The following UGT1A5 variants were observed in gnomAD, a reference collection of about 807,000 sequenced individuals.
UGT1A5 encodes the protein UDP glucuronosyltransferase family 1 member A5.
UGT1A5 carries 29 observed loss-of-function variants against 40.3 expected under a neutral mutation model. That is an observed-to-expected ratio of 0.72 (90% CI 0.54 to 0.98). The LOEUF (loss-of-function observed/expected upper bound fraction) is 0.98. Ranked by LOEUF, UGT1A5 falls within the 50% of genes least tolerant of loss-of-function variation. UGT1A5 has a pLI of 0.00. For missense variants in UGT1A5, 678 were observed against 677.9 expected, an observed-to-expected ratio of 1.00 and a Z score of 0.00; for synonymous variants, 257 against 262.5, an observed-to-expected ratio of 0.98 and a Z score of 0.20.
intron 1 of UGT1A5, among the ~76,000 whole-genome samples, chr2:233,717,124 A>G (rs1167442935): frequency 1.3e-5 from 2 of 152,206 alleles, no homozygotes; most frequent in African/African-American, 4.8e-5. Context: ...CTACATGGAA[A>G]TAGAACACCA....
At chr2:233,725,041 G>A (rs1430842810) in intron 1 of UGT1A5, among the ~76,000 whole-genome samples, 13 of 148,226 alleles carry the variant, frequency 8.8e-5, no homozygotes, top group African/African-American at 3.3e-4. Flanking sequence ...ACCAAAACCA[G>A]TCAGGCGTGG....
At chr2:233,724,657 C>A (rs536267654) in intron 1 of UGT1A5, among the ~76,000 whole-genome samples, 1 of 142,620 alleles carries the variant, frequency 7.0e-6, no homozygotes, top group Non-Finnish European at 1.5e-5. Flanking sequence ...TGGGAAGAGG[C>A]GCTCCTCACT....
intron 1 of UGT1A5, chr2:233,717,916 T>A (rs1363488436): frequency 2.2e-6 from 1 of 454,812 alleles, no homozygotes. Flanking sequence ...AAGGCCTGGA[T>A]GAATGGATAC....
chr2:233,760,274 G>C (rs1697379637), intron 1 of UGT1A5: 1 of 1,612,450 alleles, frequency 6.2e-7, no homozygotes, highest in African/African-American at 1.3e-5. Context: ...ACCTCTGGCA[G>C]GAGCAAAGGC....
At chr2:233,732,493 G>C (rs141356640) in intron 1 of UGT1A5, among the ~76,000 whole-genome samples, 2 of 152,178 alleles carry the variant, frequency 1.3e-5, no homozygotes, top group African/African-American at 4.8e-5. Context: ...TGTATAAGGC[G>C]TAAGGAAGGG....
rs541409164 is a variant in UGT1A5, at chr2:233,760,784, T to G, written c.868-6250T>G. ...CCCATCGTGGCCCAGTACCTGTCTC[T>G]GCCCACTGTATTCTTCTTGCATGCA... On this transcript the variant is annotated intron_variant, in intron 1 of 4. Transcript: ENST00000373414. 7 of 1,613,832 alleles carry G rather than the reference T, an allele frequency of 4.3e-6. No homozygotes were observed. In the East Asian group the frequency reaches 1.6e-4, roughly 36 times the overall value.
intron 4 of UGT1A5, chr2:233,770,529 A>G (rs986919893): frequency 6.6e-6 from 1 of 152,118 alleles, no homozygotes; most frequent in Non-Finnish European, 1.5e-5. Flanking sequence ...ATGGTGGTGT[A>G]TGCCTGTAAT....
At chr2:233,719,417 G>A (rs368434736) in intron 1 of UGT1A5, 88 of 1,613,876 alleles carry the variant, frequency 5.5e-5, no homozygotes, top group South Asian at 3.5e-4. Flanking sequence ...AGTTACTAAC[G>A]ACCAATTCAG....
chr2:233,720,612 AT>A (rs749616035), intron 1 of UGT1A5, among the ~76,000 whole-genome samples: 15 of 151,828 alleles, frequency 9.9e-5, no homozygotes, highest in Non-Finnish European at 2.1e-4. Context: ...AATACAGAAT[AT>A]TTGGGTTTCA....
intron 1 of UGT1A5, among the ~76,000 whole-genome samples, chr2:233,740,328 TGAGA>T (rs1691367095): frequency 6.6e-6 from 1 of 151,900 alleles, no homozygotes; most frequent in Non-Finnish European, 1.5e-5. Flanking sequence ...CTGCATTTAT[TGAGA>T]AAGTTGATGA....
intron 1 of UGT1A5, among the ~76,000 whole-genome samples, chr2:233,765,966 G>A (rs538817499): frequency 3.1e-4 from 47 of 152,252 alleles, no homozygotes; most frequent in African/African-American, 1.1e-3. Context: ...GTGTCTAGAG[G>A]TGGATGTTTA....
rs200412341 is a variant in UGT1A5 at position 233,760,665 on chromosome 2, C to T, written c.868-6369C>T. The T allele has an allele frequency of 2.6e-5, 42 of 1,614,226 alleles. No individual in the cohort carries two copies. The East Asian group carries it at 8.9e-4, about 34-fold the overall frequency. On this transcript the variant is annotated intron_variant, in intron 1 of 4. Transcript: ENST00000373414. ...AGGACTCTGCTATGCTTTTGTCTGG[C>T]TGTTCCCACTTACTGCACAACAAGG...
At chr2:233,714,600 T>C (rs1271124758) in intron 1 of UGT1A5, among the ~76,000 whole-genome samples, 1 of 152,252 alleles carries the variant, frequency 6.6e-6, no homozygotes, top group East Asian at 1.9e-4. Flanking sequence ...CTAGTGGGCA[T>C]GTTAAACACC....
In UGT1A5 at chr2:233,716,181, C is replaced by G. The variant is rs375271371; in HGVS notation, c.867+2323C>G. Among the ~76,000 whole-genome samples the G allele has an allele frequency of 1.4e-4, 21 of 152,300 alleles. No homozygotes were observed. In the East Asian group the frequency reaches 3.9e-3, roughly 28 times the overall value. On this transcript the variant is annotated intron_variant, in intron 1 of 4. Transcript: ENST00000373414. Reference sequence around the variant, plus strand: ...GAGATGCAGTGCAGCATCTTCAAGTCTCTAATTCTTACATCTGTCTCTTTC... The same window carrying G: ...GAGATGCAGTGCAGCATCTTCAAGTGTCTAATTCTTACATCTGTCTCTTTC...
chr2:233,717,019 C>T (rs565921927), intron 1 of UGT1A5, among the ~76,000 whole-genome samples: 3 of 152,276 alleles, frequency 2.0e-5, no homozygotes, highest in South Asian at 2.1e-4. Context: ...CTGAAGGCAC[C>T]ACCATCTTCC....
intron 1 of UGT1A5, among the ~76,000 whole-genome samples, chr2:233,748,859 T>G (rs1694048871): frequency 6.6e-6 from 1 of 151,492 alleles, no homozygotes; most frequent in Non-Finnish European, 1.5e-5. Flanking sequence ...TAAGCCCAGT[T>G]AAGCTGGGGA....
intron 1 of UGT1A5, chr2:233,760,773 G>C (rs780985622): frequency 2.5e-6 from 4 of 1,613,826 alleles, no homozygotes; most frequent in Non-Finnish European, 3.4e-6. Flanking sequence ...TCGTGGCCCA[G>C]TACCTGTCTC....
chr2:233,763,371 A>G (rs1027317735), intron 1 of UGT1A5, among the ~76,000 whole-genome samples: 3 of 152,180 alleles, frequency 2.0e-5, no homozygotes, highest in African/African-American at 7.2e-5. Flanking sequence ...TTTGTCTTCA[A>G]GCTTTCTTCC....
chr2:233,743,081 G>C, intron 1 of UGT1A5: 1 of 347,046 alleles, frequency 2.9e-6, no homozygotes, highest in Non-Finnish European at 5.6e-6. Context: ...GGCATGAAGT[G>C]TTTATAAATT....
Sources: gnomAD v4.1 joint callset for allele counts (sites outside exome capture counted in the v4.1 genomes callset) on GRCh38, gnomAD v4.1.1 for gene constraint, MANE v1.5 for transcripts, NCBI Gene and HGNC (gene_info 2026-07-23, HGNC 2026-07-21) for gene names.